GRIA4: variants seen among roughly 807,000 people sequenced by gnomAD.
GRIA4 encodes glutamate receptor 4.
GRIA4 carries 34 observed loss-of-function variants against 104.0 expected under a neutral mutation model. The observed-to-expected ratio is 0.33, with a 90% CI of 0.25 to 0.44. GRIA4 has a LOEUF of 0.44. Among genes scored for constraint, GRIA4 ranks in the 20% least tolerant of loss-of-function variants. The probability of loss-of-function intolerance (pLI) is 1.00; values close to 1 mark genes in which losing one functional copy is unlikely to be tolerated. For missense variants in GRIA4, 750 were observed against 1,096.5 expected (o/e 0.68, Z 4.46); for synonymous variants, 386 against 381.9 (o/e 1.01, Z -0.13).
At chr11:105,692,989 T>C (rs1953143947) in intron 3 of GRIA4, among the ~76,000 whole-genome samples, 2 of 152,224 alleles carry the variant, frequency 1.3e-5, no homozygotes, top group African/African-American at 4.8e-5. Flanking sequence ...CATATTCTGC[T>C]ATTAAAGAGC....
chr11:105,733,126 G>A (rs761820465), intron 3 of GRIA4, among the ~76,000 whole-genome samples: 1 of 152,110 alleles, frequency 6.6e-6, no homozygotes, highest in Non-Finnish European at 1.5e-5. Context: ...ATACCTGAAA[G>A]CATTATTGTT....
intron 3 of GRIA4, among the ~76,000 whole-genome samples, chr11:105,738,930 C>CAA (rs1301890108): frequency 9.9e-5 from 8 of 80,630 alleles, no homozygotes; most frequent in East Asian, 3.2e-4. Flanking sequence ...TAAAAAAAAA[C>CAA]AAAAAAAAAA....
In GRIA4 at chr11:105,779,559, C is replaced by T. The variant is rs146931166; in HGVS notation, c.487+26339C>T. ...GTTTACCGAGTTAGTGGGTGCAGCG[C>T]ACCAGCATGGCACATGTATACATAT... On this transcript the variant is annotated intron_variant, in intron 4 of 16. Transcript: ENST00000282499. 9.0e-3 allele frequency among the ~76,000 whole-genome samples: 1,366 copies of T among 152,080 alleles called. 7 individuals are homozygous for T. The highest frequency in any genetic ancestry group is 0.014 in the Admixed American group (207 of 15,282).
chr11:105,959,292 GTTCATTCTTT>G (rs1225848605), intron 14 of GRIA4, among the ~76,000 whole-genome samples: 1 of 152,100 alleles, frequency 6.6e-6, no homozygotes. Flanking sequence ...TGGAGACTTT[GTTCATTCTTT>G]TTCATTCTTT....
intron 4 of GRIA4, among the ~76,000 whole-genome samples, chr11:105,829,094 T>TACACACACACACACACACAC (rs146841671): frequency 0.097 from 14,620 of 151,022 alleles, 852 homozygotes; most frequent in Admixed American, 0.19. Context: ...CAGTGATGTA[T>TACACACACACACACACACAC]ACACACACAC....
At chr11:105,754,830 A>G (rs1195248818) in intron 4 of GRIA4, among the ~76,000 whole-genome samples, 1 of 152,204 alleles carries the variant, frequency 6.6e-6, no homozygotes, top group Non-Finnish European at 1.5e-5. Flanking sequence ...CATTACTGCT[A>G]CGGAAGCTTG....
At chr11:105,691,908 G>A (rs1319397722) in intron 3 of GRIA4, among the ~76,000 whole-genome samples, 1 of 145,638 alleles carries the variant, frequency 6.9e-6, no homozygotes, top group Non-Finnish European at 1.5e-5. Context: ...GCACTGTAGC[G>A]TGGGCTACAA....
At chr11:105,817,354 T>A (rs925992716) in intron 4 of GRIA4, among the ~76,000 whole-genome samples, 4 of 149,738 alleles carry the variant, frequency 2.7e-5, no homozygotes, top group African/African-American at 4.9e-5. Context: ...GGCTTATGAC[T>A]AGAGCAGTGA....
intron 11 of GRIA4, among the ~76,000 whole-genome samples, chr11:105,920,525 T>A (rs537053451): frequency 6.6e-6 from 1 of 152,262 alleles, no homozygotes; most frequent in South Asian, 2.1e-4. Flanking sequence ...CATACATCTC[T>A]TCTCTGGAGT....
chr11:105,829,054 T>C (rs543078052), intron 4 of GRIA4, among the ~76,000 whole-genome samples: 178 of 150,764 alleles, frequency 1.2e-3, no homozygotes, highest in Middle Eastern at 3.4e-3. Flanking sequence ...CATCTAACAA[T>C]AACAGCTGCT....
chr11:105,903,672 T>C (rs1946944083), intron 7 of GRIA4, 142 bp from the exon 8 acceptor site: 1 of 587,088 alleles, frequency 1.7e-6, no homozygotes, highest in African/African-American at 1.9e-5. Context: ...TTTCTGAAGC[T>C]AGAGTCAATT....
At chr11:105,713,486 T>TA (rs1953986255) in intron 3 of GRIA4, among the ~76,000 whole-genome samples, 1 of 152,152 alleles carries the variant, frequency 6.6e-6, no homozygotes, top group Non-Finnish European at 1.5e-5. Flanking sequence ...ATGATGGAAT[T>TA]ATGGGATCTT....
intron 3 of GRIA4, among the ~76,000 whole-genome samples, chr11:105,699,591 G>A (rs893732833): frequency 2.6e-5 from 4 of 152,008 alleles, no homozygotes; most frequent in Non-Finnish European, 5.9e-5. Flanking sequence ...GTATTACGAT[G>A]TAAGTTCCTT....
intron 4 of GRIA4, among the ~76,000 whole-genome samples, chr11:105,816,572 G>A (rs1565259217): frequency 6.6e-6 from 1 of 152,252 alleles, no homozygotes; most frequent in East Asian, 1.9e-4. Flanking sequence ...GCAGAACCAT[G>A]AACCAAATAA....
intron 12 of GRIA4, 22 bp downstream of exon 12, chr11:105,924,791 T>C (rs1947660311): frequency 6.5e-7 from 1 of 1,529,822 alleles, no homozygotes; most frequent in Non-Finnish European, 8.9e-7. Flanking sequence ...ATCTCTTAAG[T>C]TCTTCACTGA....
chr11:105,807,485 T>G (rs1174617817), intron 4 of GRIA4, among the ~76,000 whole-genome samples: 1 of 151,892 alleles, frequency 6.6e-6, no homozygotes, highest in Non-Finnish European at 1.5e-5. Flanking sequence ...TCTAAGAGTT[T>G]CAAGTGCTTA....
chr11:105,851,491 G>A (rs190252698), intron 4 of GRIA4, among the ~76,000 whole-genome samples: 1 of 152,258 alleles, frequency 6.6e-6, no homozygotes, highest in Admixed American at 6.5e-5. Context: ...TGTACAAACA[G>A]CTAGGGAAAT....
At chr11:105,821,518 C>T (rs529480333) in intron 4 of GRIA4, among the ~76,000 whole-genome samples, 10 of 151,938 alleles carry the variant, frequency 6.6e-5, no homozygotes, top group African/African-American at 9.6e-5. Flanking sequence ...CGGTGTCTCA[C>T]ATGGCAGAAG....
At chr11:105,924,880 C>A in intron 12 of GRIA4, 111 bp downstream of exon 12, 1 of 805,528 alleles carries the variant, frequency 1.2e-6, no homozygotes, top group Non-Finnish European at 1.9e-6. Flanking sequence ...ATTTGAAACA[C>A]AGAAAAAGAC....
Sources: allele counts gnomAD v4.1 joint callset (sites outside exome capture counted in the v4.1 genomes callset), GRCh38; gene constraint gnomAD v4.1.1; transcripts MANE v1.5; gene names NCBI Gene and HGNC (gene_info 2026-07-23, HGNC 2026-07-21).